Variants in CTNNA2 observed in about 807,000 individuals in gnomAD.
CTNNA2 encodes catenin alpha 2.
A neutral mutation model predicts 101.0 loss-of-function variants in CTNNA2; 42 were observed. That is an observed-to-expected ratio of 0.42 (90% CI 0.32 to 0.54). CTNNA2 has a LOEUF of 0.54. Among genes scored for constraint, CTNNA2 ranks in the 20% least tolerant of loss-of-function variants. CTNNA2 has a pLI of 0.14. For synonymous variants in CTNNA2, 450 were observed against 456.4 expected (o/e 0.99, Z 0.18); for missense variants, 871 against 1,223.1 (o/e 0.71, Z 4.29).
chr2:80,620,840 A>G (rs188385858), intron 18 of CTNNA2, among the ~76,000 whole-genome samples: 29 of 151,996 alleles, frequency 1.9e-4, no homozygotes, highest in African/African-American at 6.7e-4. Context: ...TTGGGACACA[A>G]TCATCTTTAA....
chr2:80,213,913 A>G lies in CTNNA2; in HGVS notation c.1057-179298A>G, dbSNP rs189295210. 1.5e-3 allele frequency among the ~76,000 whole-genome samples: 225 copies of G among 152,302 alleles called. 3 individuals are homozygous for G. Among genetic ancestry groups the G allele is most frequent in the South Asian group, 4.4e-3 (21 of 4,822 alleles). ...CTGGGTGCTCTAGTATTGAGTGCAT[A>G]TATATTTAGGATAGTTAGCTCTTTT... On this transcript the variant is annotated intron_variant, in intron 7 of 18. Coordinates refer to ENST00000402739, the MANE Select transcript of CTNNA2 (RefSeq NM_001282597.3).
At chr2:80,046,017 A>G (rs1443840279) in intron 7 of CTNNA2, among the ~76,000 whole-genome samples, 2 of 152,186 alleles carry the variant, frequency 1.3e-5, no homozygotes, top group Admixed American at 6.5e-5. Flanking sequence ...TTAAAGAGAG[A>G]TTAAACCAGT....
chr2:80,391,145 A>G (rs1225034402), intron 7 of CTNNA2, among the ~76,000 whole-genome samples: 1 of 151,790 alleles, frequency 6.6e-6, no homozygotes, highest in African/African-American at 2.4e-5. Context: ...AAAAAAAAAA[A>G]AAAAGTATGT....
intron 4 of CTNNA2, among the ~76,000 whole-genome samples, chr2:79,404,605 T>A (rs1389570193): frequency 6.6e-6 from 1 of 152,048 alleles, no homozygotes; most frequent in African/African-American, 2.4e-5. Flanking sequence ...CGGTTTGACT[T>A]AAAAGCACAA....
intron 2 of CTNNA2, among the ~76,000 whole-genome samples, chr2:79,662,809 A>G (rs1682128100): frequency 6.6e-6 from 1 of 152,144 alleles, no homozygotes; most frequent in Admixed American, 6.5e-5. Context: ...TTTTTCTTTC[A>G]TTCTGAAAAC....
At chr2:79,575,356 G>A (rs1558742237) in intron 1 of CTNNA2, 2 of 152,188 alleles carry the variant, frequency 1.3e-5, no homozygotes, top group Non-Finnish European at 2.9e-5. Flanking sequence ...CTGGTTCCCT[G>A]TGCCTCCTTG....
chr2:80,007,430 A>G (rs1008901553), intron 7 of CTNNA2, among the ~76,000 whole-genome samples: 2 of 152,090 alleles, frequency 1.3e-5, no homozygotes, highest in Non-Finnish European at 2.9e-5. Context: ...TTTACTTTAA[A>G]TCTGATTAGT....
intron 18 of CTNNA2, among the ~76,000 whole-genome samples, chr2:80,622,169 T>C (rs1017612803): frequency 6.6e-6 from 1 of 151,928 alleles, no homozygotes; most frequent in Non-Finnish European, 1.5e-5. Context: ...GATACATGTC[T>C]TTGGAAGAAT....
chr2:79,400,673 A>C (rs776560782), intron 4 of CTNNA2, among the ~76,000 whole-genome samples: 1 of 151,978 alleles, frequency 6.6e-6, no homozygotes, highest in Admixed American at 6.6e-5. Flanking sequence ...CAGGCACACT[A>C]TTTTACACAT....
intron 3 of CTNNA2, among the ~76,000 whole-genome samples, chr2:79,791,081 A>C (rs1260788969): frequency 6.6e-6 from 1 of 152,228 alleles, no homozygotes; most frequent in Non-Finnish European, 1.5e-5. Flanking sequence ...AAGTATGAAT[A>C]GATTGGGCAC....
chr2:80,176,345 A>G (rs1225784256), intron 7 of CTNNA2, among the ~76,000 whole-genome samples: 1 of 152,246 alleles, frequency 6.6e-6, no homozygotes, highest in African/African-American at 2.4e-5. Flanking sequence ...ATGTCACATG[A>G]CAAAGGAAAA....
At chr2:79,746,291 T>C (rs994548606) in intron 3 of CTNNA2, among the ~76,000 whole-genome samples, 8 of 152,352 alleles carry the variant, frequency 5.3e-5, no homozygotes, top group Admixed American at 1.3e-4. Context: ...GAGTTCTTTA[T>C]ATAGTCTGGA....
intron 2 of CTNNA2, among the ~76,000 whole-genome samples, chr2:79,674,671 T>C (rs937885537): frequency 6.6e-6 from 1 of 152,130 alleles, no homozygotes. Flanking sequence ...AGCGAACAGA[T>C]GAAAGATATA....
intron 3 of CTNNA2, among the ~76,000 whole-genome samples, chr2:79,364,803 G>A (rs755010149): frequency 3.9e-5 from 6 of 152,262 alleles, no homozygotes; most frequent in Non-Finnish European, 7.4e-5. Context: ...GTAAAAAGGG[G>A]TAAGGGGTAA....
At chr2:80,426,853 T>C (rs1201318923) in intron 9 of CTNNA2, among the ~76,000 whole-genome samples, 1 of 151,936 alleles carries the variant, frequency 6.6e-6, no homozygotes, top group East Asian at 2.0e-4. Context: ...TCCTGATGCA[T>C]TCCCCACTCT....
chr2:79,320,986 A>C (rs1459968401), intron 3 of CTNNA2, among the ~76,000 whole-genome samples: 1 of 152,196 alleles, frequency 6.6e-6, no homozygotes, highest in African/African-American at 2.4e-5. Flanking sequence ...CTGATTCTAA[A>C]AGTATCCTAG....
chr2:79,606,413 A>G (rs914110444), intron 1 of CTNNA2, among the ~76,000 whole-genome samples: 1 of 151,808 alleles, frequency 6.6e-6, no homozygotes, highest in Non-Finnish European at 1.5e-5. Context: ...GACTACAGAC[A>G]CCCGCCAGCA....
chr2:79,562,558 G>A (rs566691886), intron 1 of CTNNA2, among the ~76,000 whole-genome samples: 2 of 151,892 alleles, frequency 1.3e-5, no homozygotes, highest in African/African-American at 4.8e-5. Context: ...AGAAATTGAC[G>A]ACTGAGATTA....
Position 80,040,567 on chromosome 2 carries a change from T to G in CTNNA2, c.1056+130770T>G, listed in dbSNP as rs185767390. ...CAAATCAACTCAGTTATTTACATTG[T>G]TGGGCCCGGGTTGGTACTTCATCTG... is the stretch of plus-strand genomic sequence containing the variant. On this transcript the variant is annotated intron_variant, in intron 7 of 18. Transcript: ENST00000402739. Among the ~76,000 whole-genome samples the G allele has an allele frequency of 6.9e-3, 1,054 of 152,284 alleles. 13 individuals are homozygous for G. The highest frequency in any genetic ancestry group is 0.024 in the African/African-American group (993 of 41,562).
Sources: allele counts gnomAD v4.1 joint callset (sites outside exome capture counted in the v4.1 genomes callset), GRCh38; gene constraint gnomAD v4.1.1; transcripts MANE v1.5; gene names NCBI Gene and HGNC (gene_info 2026-07-23, HGNC 2026-07-21).